KDM4C: variants seen among roughly 807,000 people sequenced by gnomAD.
KDM4C encodes the protein lysine demethylase 4C.
Under a neutral mutation model 129.3 loss-of-function variants are expected in KDM4C, and 81 were observed. The ratio of observed to expected loss-of-function variants is 0.63; its 90% CI spans 0.52 to 0.75. The LOEUF (loss-of-function observed/expected upper bound fraction) is 0.75. Among genes scored for constraint, KDM4C ranks in the 30% least tolerant of loss-of-function variants. KDM4C has a pLI of 0.00. For synonymous variants in KDM4C, 573 were observed against 456.1 expected (o/e 1.26, Z -3.26); for missense variants, 1,457 against 1,304.0 (o/e 1.12, Z -1.81).
At chr9:6,968,226 A>G (rs2131668870) in intron 8 of KDM4C, among the ~76,000 whole-genome samples, 1 of 152,314 alleles carries the variant, frequency 6.6e-6, no homozygotes, top group East Asian at 1.9e-4. Context: ...CTATAATCCT[A>G]GCATTTTGGG....
At chr9:6,721,711 C>T (rs1434892941) in intron 1 of KDM4C, among the ~76,000 whole-genome samples, 4 of 151,856 alleles carry the variant, frequency 2.6e-5, no homozygotes, top group South Asian at 2.1e-4. Context: ...GCCTCAGCCT[C>T]CTGAGTAGCT....
intron 6 of KDM4C, among the ~76,000 whole-genome samples, chr9:6,882,423 A>C (rs903107734): frequency 2.0e-5 from 3 of 152,214 alleles, no homozygotes; most frequent in Non-Finnish European, 4.4e-5. Flanking sequence ...TAAATTGAGA[A>C]AGTGTACAGA....
intron 8 of KDM4C, among the ~76,000 whole-genome samples, chr9:6,918,631 C>T (rs755261411): frequency 2.0e-5 from 3 of 152,166 alleles, no homozygotes; most frequent in African/African-American, 2.4e-5. Flanking sequence ...ATTTACATCC[C>T]TACCAGCAGT....
chr9:6,799,760 TTTA>T (rs1828574899), intron 2 of KDM4C, among the ~76,000 whole-genome samples: 1 of 152,018 alleles, frequency 6.6e-6, no homozygotes, highest in Non-Finnish European at 1.5e-5. Context: ...GTTCCATTTT[TTTA>T]TTATTCTGGC....
In KDM4C at chr9:7,016,018, T is replaced by A. The variant is rs1033110620; in HGVS notation, c.2259+89T>A. ...AAGTCTAGGGAAAAGATAAGATTGCTCAGGTGCTTATATGTGCAGTTCTGC... is the reference window on the plus strand; with the variant it reads ...AAGTCTAGGGAAAAGATAAGATTGCACAGGTGCTTATATGTGCAGTTCTGC... On this transcript the variant is annotated intron_variant, in intron 15 of 21. Transcript: ENST00000381309. 13 of 893,466 alleles carry A rather than the reference T, an allele frequency of 1.5e-5. No individual in the cohort carries two copies. In the Admixed American group the frequency reaches 1.9e-4, roughly 13 times the overall value. The allele number at this position is 893,466 out of a possible 1,614,324, so 55.3% of individuals were successfully genotyped here.
chr9:6,744,266 C>T (rs550832819), intron 1 of KDM4C, among the ~76,000 whole-genome samples: 1 of 152,274 alleles, frequency 6.6e-6, no homozygotes, highest in South Asian at 2.1e-4. Context: ...TGGCTCATGC[C>T]TGTAATCCCA....
intron 15 of KDM4C, among the ~76,000 whole-genome samples, chr9:7,038,451 T>C (rs546057613): frequency 1.3e-5 from 2 of 152,256 alleles, no homozygotes; most frequent in South Asian, 4.1e-4. Flanking sequence ...TTTCCCTTCA[T>C]ACTACTTGTT....
intron 15 of KDM4C, among the ~76,000 whole-genome samples, chr9:7,034,384 A>C (rs1423113604): frequency 6.6e-6 from 1 of 152,152 alleles, no homozygotes; most frequent in African/African-American, 2.4e-5. Flanking sequence ...CTCAGCCTCT[A>C]GTATCGTTTT....
intron 18 of KDM4C, among the ~76,000 whole-genome samples, chr9:7,117,900 C>G (rs944561736): frequency 6.6e-6 from 1 of 152,186 alleles, no homozygotes. Context: ...CTCCACCTGT[C>G]TAACTAATGT....
intron 8 of KDM4C, among the ~76,000 whole-genome samples, chr9:6,949,829 G>A (rs553551680): frequency 8.0e-5 from 12 of 150,756 alleles, no homozygotes; most frequent in East Asian, 4.0e-4. Flanking sequence ...GAGGGAGACC[G>A]TGGAGGGAGA....
intron 17 of KDM4C, among the ~76,000 whole-genome samples, chr9:7,092,282 C>T (rs1835897515): frequency 6.6e-6 from 1 of 152,132 alleles, no homozygotes; most frequent in African/African-American, 2.4e-5. Flanking sequence ...ACATGGTAAC[C>T]TGCATCTTAG....
At chr9:6,737,050 CAAAAAAAA>C in intron 1 of KDM4C, among the ~76,000 whole-genome samples, 1 of 36,418 alleles carries the variant, frequency 2.7e-5, no homozygotes, top group Admixed American at 3.2e-4. Flanking sequence ...GATTCTGTCT[CAAAAAAAA>C]AAAAAAAAAA....
At position 7,125,301 on chromosome 9, in the gene KDM4C, A is replaced by C. The variant is rs546811685; in HGVS notation, c.2611-2765A>C. Among the ~76,000 whole-genome samples the C allele has an allele frequency of 2.6e-5, 4 of 152,296 alleles. No individual in the cohort carries two copies. In the East Asian group the frequency reaches 7.7e-4, roughly 29 times the overall value. On this transcript the variant is annotated intron_variant, in intron 18 of 21. Transcript: ENST00000381309. ...TCTTCCCCTAATTCTGACTGCTGCAAGCCCAGGAATGAGGAGTCCTGCTGT... is the reference window on the plus strand; with the variant it reads ...TCTTCCCCTAATTCTGACTGCTGCACGCCCAGGAATGAGGAGTCCTGCTGT...
At chr9:6,723,267 C>T (rs538427243) in intron 1 of KDM4C, among the ~76,000 whole-genome samples, 29 of 151,830 alleles carry the variant, frequency 1.9e-4, no homozygotes, top group Admixed American at 3.3e-4. Context: ...CCCAGCTACT[C>T]GGGAGGCTGA....
In KDM4C at chr9:6,760,892, T is replaced by A. The variant is rs77543352; in HGVS notation, c.-18+2689T>A. Among the ~76,000 whole-genome samples the A allele has an allele frequency of 7.4e-3, 1,124 of 151,990 alleles. 14 individuals are homozygous for A. The highest frequency in any genetic ancestry group is 0.026 in the African/African-American group (1,064 of 41,458). On this transcript the variant is annotated intron_variant, in intron 1 of 21. Coordinates refer to ENST00000381309, the MANE Select transcript of KDM4C (RefSeq NM_015061.6). ...TGGCTTGGTGATACTCTTTCAAGCC[T>A]TGAAGGGGCCTGTTGATCTTTCCCT... is the stretch of plus-strand genomic sequence containing the variant.
chr9:6,990,408 A>G lies in KDM4C; in HGVS notation c.1678-8A>G, dbSNP rs1192711029. 3.8e-6 allele frequency: 6 copies of G among 1,583,746 alleles called. No homozygotes were observed. Among genetic ancestry groups the G allele is most frequent in the African/African-American group, 1.4e-5 (1 of 73,344 alleles). On this transcript the variant is annotated splice_polypyrimidine_tract_variant and splice_region_variant and intron_variant, in intron 11 of 21. Transcript: ENST00000381309. ...GGTATTTCTCCACCATTTTTGTTCT[A>G]TAACTAGATAGCAGAGGGAGAGAAC...
At chr9:7,021,020 G>T (rs1197838212) in intron 15 of KDM4C, among the ~76,000 whole-genome samples, 1 of 150,124 alleles carries the variant, frequency 6.7e-6, no homozygotes, top group East Asian at 2.0e-4. Flanking sequence ...CCTAGTCTCT[G>T]GCTTCATGTG....
At chr9:7,005,001 C>T (rs190463901) in intron 12 of KDM4C, among the ~76,000 whole-genome samples, 1 of 152,306 alleles carries the variant, frequency 6.6e-6, no homozygotes, top group East Asian at 1.9e-4. Flanking sequence ...TGGCCCCGAC[C>T]AGCCAGCGAG....
chr9:7,048,579 C>T (rs776490023), intron 16 of KDM4C, among the ~76,000 whole-genome samples: 1 of 152,008 alleles, frequency 6.6e-6, no homozygotes, highest in Non-Finnish European at 1.5e-5. Flanking sequence ...AGTAAGATTG[C>T]AGCAAGAAAC....
Sources: gnomAD v4.1 joint callset for allele counts (sites outside exome capture counted in the v4.1 genomes callset) on GRCh38, gnomAD v4.1.1 for gene constraint, MANE v1.5 for transcripts, NCBI Gene and HGNC (gene_info 2026-07-23, HGNC 2026-07-21) for gene names.